The following FABP12 variants were observed in gnomAD, a reference collection of about 807,000 sequenced individuals.
FABP12 encodes fatty acid-binding protein 12.
A neutral mutation model predicts 13.7 loss-of-function variants in FABP12; 19 were observed. The observed-to-expected ratio is 1.39, with a 90% confidence interval of 0.97 to 2.04. The LOEUF (loss-of-function observed/expected upper bound fraction) is 2.04, where lower values mean the gene tolerates loss of function less well. FABP12 is among the 30% of genes most tolerant of loss of function. FABP12 has a pLI of 0.00. For missense variants in FABP12, 182 were observed against 164.2 expected (o/e 1.11, Z -0.59); for synonymous variants, 61 against 57.0 (o/e 1.07, Z -0.32).
chr8:81,527,056 G>C, exon 4 of FABP12: 1 of 1,611,608 alleles, frequency 6.2e-7, no homozygotes, highest in Non-Finnish European at 8.5e-7. Flanking sequence ...TTCTCGTTAT[G>C]GTGGTTTCTT....
At chr8:81,586,418 G>A (rs1181991370) in intron 1 of FABP12, among the ~76,000 whole-genome samples, 3 of 152,134 alleles carry the variant, frequency 2.0e-5, no homozygotes, top group African/African-American at 7.2e-5. Flanking sequence ...GAAATCTTCA[G>A]ACTGCTTTCC....
chr8:81,564,821 T>G (rs1447410128), intron 1 of FABP12, among the ~76,000 whole-genome samples: 2 of 150,572 alleles, frequency 1.3e-5, no homozygotes, highest in African/African-American at 4.9e-5. Context: ...CTGGTAGGAG[T>G]AAGTCTTTAC....
chr8:81,578,823 G>GTCTCTT (rs1554579830), intron 1 of FABP12, among the ~76,000 whole-genome samples: 2 of 105,668 alleles, frequency 1.9e-5, no homozygotes, highest in East Asian at 3.0e-4. Context: ...ATTTGTTCAA[G>GTCTCTT]TTTTTTTTTT....
rs1401165646 is a variant in FABP12 at position 81,533,792 on chromosome 8, A to C, written c.-76+10T>G. Among the ~76,000 whole-genome samples the C allele has an allele frequency of 6.6e-6, 1 of 152,168 alleles. No homozygotes were observed. The highest frequency in any genetic ancestry group is 6.5e-5 in the Admixed American group (1 of 15,280). ...ACATGGGGATCTGCACCACCTGCTC[A>C]TGCAGTTACCTTAGGACTTCTGGTC... On this transcript the variant is annotated intron_variant, in intron 1 of 4. Coordinates refer to ENST00000360464, the Ensembl canonical transcript of FABP12.
intron 1 of FABP12, among the ~76,000 whole-genome samples, chr8:81,569,893 AC>A (rs1809893278): frequency 6.6e-6 from 1 of 152,286 alleles, no homozygotes; most frequent in South Asian, 2.1e-4. Context: ...GCTCAGGCCT[AC>A]TGGGCTCGTT....
upstream of FABP12, among the ~76,000 whole-genome samples, chr8:81,538,368 C>A (rs1809273694): frequency 6.6e-6 from 1 of 152,142 alleles, no homozygotes; most frequent in South Asian, 2.1e-4. Context: ...TACGTTCAAG[C>A]CTTAATCCCC....
chr8:81,574,423 T>G (rs1024513603), intron 1 of FABP12, among the ~76,000 whole-genome samples: 42 of 152,178 alleles, frequency 2.8e-4, no homozygotes, highest in Non-Finnish European at 5.6e-4. Context: ...TCTTTTTTTG[T>G]TTGTGTCCTT....
intron 1 of FABP12, among the ~76,000 whole-genome samples, chr8:81,566,286 AGGAG>A (rs1809817797): frequency 3.3e-5 from 5 of 151,984 alleles, no homozygotes; most frequent in Non-Finnish European, 5.9e-5. Context: ...CAAAAAATAG[AGGAG>A]AAGGGAATAC....
chr8:81,550,553 A>G (rs1244811813), intron 1 of FABP12, among the ~76,000 whole-genome samples: 2 of 152,168 alleles, frequency 1.3e-5, no homozygotes, highest in Non-Finnish European at 2.9e-5. Flanking sequence ...TCGAATCTCT[A>G]CTAAGAACAA....
At chr8:81,534,858 CACTT>C (rs1389696115), upstream of FABP12, among the ~76,000 whole-genome samples, 2 of 152,082 alleles carry the variant, frequency 1.3e-5, no homozygotes, top group African/African-American at 4.8e-5. Flanking sequence ...GCAGGAGAAT[CACTT>C]GAACCTGGGA....
At chr8:81,538,316 G>A (rs905588786), upstream of FABP12, among the ~76,000 whole-genome samples, 1 of 152,148 alleles carries the variant, frequency 6.6e-6, no homozygotes. Flanking sequence ...CCCAAACTAT[G>A]TCTGAAACTG....
intron 1 of FABP12, among the ~76,000 whole-genome samples, chr8:81,583,813 A>C (rs1013462718): frequency 1.3e-5 from 2 of 152,206 alleles, no homozygotes; most frequent in South Asian, 2.1e-4. Flanking sequence ...AAAATTGAAG[A>C]GGAGGGAATG....
intron 1 of FABP12, 58 bp from the exon 2 acceptor site, chr8:81,531,448 T>A (rs1357893856): frequency 1.7e-6 from 1 of 603,754 alleles, no homozygotes; most frequent in East Asian, 2.8e-5. Flanking sequence ...GGAAATAAAA[T>A]AAGGAACTCT....
chr8:81,587,007 A>G (rs993697293), intron 1 of FABP12, among the ~76,000 whole-genome samples: 1 of 152,206 alleles, frequency 6.6e-6, no homozygotes, highest in Non-Finnish European at 1.5e-5. Flanking sequence ...AATCCTCTGC[A>G]TATGGCTGGC....
chr8:81,527,763 A>C (rs181769769), intron 3 of FABP12, among the ~76,000 whole-genome samples: 7 of 152,328 alleles, frequency 4.6e-5, no homozygotes, highest in Admixed American at 4.6e-4. Context: ...GTGAAACTCC[A>C]GCCTGGACAG....
intron 1 of FABP12, among the ~76,000 whole-genome samples, chr8:81,576,815 C>T (rs923425685): frequency 1.3e-5 from 2 of 152,184 alleles, no homozygotes; most frequent in African/African-American, 2.4e-5. Flanking sequence ...TCCATGTCTA[C>T]ATCAGTAGGC....
At chr8:81,564,651 C>T (rs967177400) in intron 1 of FABP12, among the ~76,000 whole-genome samples, 6 of 151,950 alleles carry the variant, frequency 3.9e-5, no homozygotes, top group African/African-American at 1.4e-4. Context: ...GTGTTATTTG[C>T]AAGCTTAATG....
At chr8:81,529,183 A>C (rs1221810229) in intron 3 of FABP12, among the ~76,000 whole-genome samples, 1 of 152,134 alleles carries the variant, frequency 6.6e-6, no homozygotes, top group African/African-American at 2.4e-5. Flanking sequence ...TGATTCTCAA[A>C]ATGTGGTCTG....
chr8:81,549,228 TACACACAC>T (rs10577619), intron 1 of FABP12, among the ~76,000 whole-genome samples: 1 of 149,650 alleles, frequency 6.7e-6, no homozygotes. Flanking sequence ...CAGACACACA[TACACACAC>T]ACACACACAC....
Sources: allele counts gnomAD v4.1 joint callset (sites outside exome capture counted in the v4.1 genomes callset), GRCh38; gene constraint gnomAD v4.1.1; transcripts MANE v1.5; gene names NCBI Gene and HGNC (gene_info 2026-07-23, HGNC 2026-07-21).